CLINT1: variants seen among roughly 807,000 people sequenced by gnomAD.
CLINT1 encodes clathrin interacting protein localized in the trans-Golgi region.
In CLINT1, 15 loss-of-function variants were observed where a neutral mutation model predicts 70.4. The observed-to-expected ratio is 0.21, with a 90% CI of 0.14 to 0.33. The LOEUF (loss-of-function observed/expected upper bound fraction) is 0.33, where lower values mean the gene tolerates loss of function less well. Among genes scored for constraint, CLINT1 ranks in the 10% least tolerant of loss-of-function variants. The pLI, the probability that CLINT1 is intolerant of heterozygous loss-of-function variation, is 1.00. For synonymous variants in CLINT1, 227 were observed against 254.7 expected (o/e 0.89, Z 1.04); for missense variants, 615 against 778.1 (o/e 0.79, Z 2.49).
chr5:157,842,854 TA>T (rs1753237931), intron 1 of CLINT1, among the ~76,000 whole-genome samples: 1 of 152,232 alleles, frequency 6.6e-6, no homozygotes, highest in Non-Finnish European at 1.5e-5. Context: ...GTTTTGCGTG[TA>T]AGTTTAACCA....
intron 2 of CLINT1, 58 bp downstream of exon 2, chr5:157,817,384 AT>A (rs1374159043): frequency 4.4e-5 from 47 of 1,067,632 alleles, no homozygotes; most frequent in Non-Finnish European, 6.2e-5. Context: ...CAAATTTCAT[AT>A]TTCTGTGTTA....
intron 10 of CLINT1, among the ~76,000 whole-genome samples, chr5:157,791,178 C>A (rs1409395641): frequency 6.6e-6 from 1 of 152,110 alleles, no homozygotes; most frequent in Non-Finnish European, 1.5e-5. Flanking sequence ...CCTGACTCAG[C>A]CTCCCAAGTA....
At chr5:157,805,790 C>A (rs1343352067) in intron 7 of CLINT1, 76 bp downstream of exon 7, 1 of 1,555,374 alleles carries the variant, frequency 6.4e-7, no homozygotes, top group Non-Finnish European at 8.8e-7. Flanking sequence ...ATGCCCAAGC[C>A]TACTAATGCA....
rs555774857 is a variant in CLINT1, at chr5:157,859,084, C to T, written c.-114G>A. 2.7e-5 allele frequency: 31 copies of T among 1,165,968 alleles called. No individual in the cohort carries two copies. In the African/African-American group the frequency reaches 3.7e-4, roughly 14 times the overall value. The allele number at this position is 1,165,968 out of a possible 1,614,324, so 72.2% of individuals were successfully genotyped here. On this transcript the variant is annotated 5_prime_UTR_variant, in exon 1 of 12. Coordinates refer to ENST00000411809, the MANE Select transcript of CLINT1 (RefSeq NM_014666.4). ...GGTCACCGCCGCCCGCCGCCTCGAACTCCCCCAGTCAGCTCCTTCCTTTGC... is the reference window on the plus strand; with the variant it reads ...GGTCACCGCCGCCCGCCGCCTCGAATTCCCCCAGTCAGCTCCTTCCTTTGC...
chr5:157,858,919 C>G lies in CLINT1; in HGVS notation c.41+11G>C. The G allele has an allele frequency of 6.2e-7, 1 of 1,607,576 alleles. No individual in the cohort carries two copies. The highest frequency in any genetic ancestry group is 8.5e-7 in the Non-Finnish European group (1 of 1,177,132). On this transcript the variant is annotated intron_variant, in intron 1 of 11. Transcript: ENST00000411809. ...CGTGGGCCTCGGCCACAACTGCCCC[C>G]CGATACTCACGCTTTGTCCACCAGC...
intron 1 of CLINT1, among the ~76,000 whole-genome samples, chr5:157,839,375 T>C (rs573157187): frequency 1.3e-5 from 2 of 152,184 alleles, no homozygotes; most frequent in East Asian, 3.9e-4. Flanking sequence ...CCAAGGTCAG[T>C]GGATCACTTG....
At chr5:157,848,542 C>T (rs1047852162) in intron 1 of CLINT1, among the ~76,000 whole-genome samples, 3 of 150,906 alleles carry the variant, frequency 2.0e-5, no homozygotes, top group African/African-American at 7.3e-5. Flanking sequence ...CTCACTCTGT[C>T]CCCCAGGCTG....
intron 1 of CLINT1, among the ~76,000 whole-genome samples, chr5:157,830,323 A>C (rs1763182930): frequency 6.6e-6 from 1 of 151,988 alleles, no homozygotes; most frequent in South Asian, 2.1e-4. Context: ...GGTATCTGTT[A>C]TTTCTTATTT....
At position 157,785,781 on chromosome 5, in the gene CLINT1, CA is replaced by C. The variant is rs1427847721; in HGVS notation, c.*1864del. 2 of 152,200 alleles carry C rather than the reference CA, an allele frequency of 1.3e-5. No homozygotes were observed. Among genetic ancestry groups the C allele is most frequent in the East Asian group, 3.9e-4 (2 of 5,190 alleles). The allele number at this position is 152,200 out of a possible 1,614,324, so 9.4% of individuals were successfully genotyped here. On this transcript the variant is annotated 3_prime_UTR_variant, in exon 12 of 12. Transcript: ENST00000411809. ...ACATTTACTTCGTCTAAGAACCATACATATTTGAGAAAGTGAAGATATACTT... is the reference window on the plus strand; with the variant it reads ...ACATTTACTTCGTCTAAGAACCATACTATTTGAGAAAGTGAAGATATACTT...
intron 9 of CLINT1, among the ~76,000 whole-genome samples, chr5:157,793,406 G>C (rs1034226905): frequency 2.0e-5 from 3 of 152,138 alleles, no homozygotes; most frequent in African/African-American, 7.2e-5. Flanking sequence ...TATCTGAAAT[G>C]ATTAATCGTG....
intron 10 of CLINT1, 121 bp downstream of exon 10, chr5:157,791,582 C>A (rs1761906372): frequency 1.2e-6 from 1 of 851,756 alleles, no homozygotes; most frequent in South Asian, 1.7e-5. Flanking sequence ...CACACAGACA[C>A]ATATTCATAC....
At chr5:157,792,041 C>A in intron 9 of CLINT1, 46 bp from the exon 10 acceptor site, 1 of 1,524,602 alleles carries the variant, frequency 6.6e-7, no homozygotes. Context: ...ATGGAATGCA[C>A]AGAACAAATG....
At chr5:157,807,022 G>C (rs1251136904) in intron 6 of CLINT1, among the ~76,000 whole-genome samples, 1 of 151,760 alleles carries the variant, frequency 6.6e-6, no homozygotes, top group African/African-American at 2.4e-5. Context: ...AATGTTACTT[G>C]AAACATGTTC....
intron 1 of CLINT1, among the ~76,000 whole-genome samples, chr5:157,844,455 A>G (rs1438015754): frequency 6.6e-6 from 1 of 152,134 alleles, no homozygotes; most frequent in African/African-American, 2.4e-5. Flanking sequence ...GATCTGTCAC[A>G]TGTCTTATAG....
rs1761740520 is a variant in CLINT1 at position 157,786,782 on chromosome 5, A to C, written c.*864T>G. 1 of 152,368 alleles carries C rather than the reference A, an allele frequency of 6.6e-6. No homozygotes were observed. Among genetic ancestry groups the C allele is most frequent in the Non-Finnish European group, 1.5e-5 (1 of 68,032 alleles). 9.4% of individuals were successfully genotyped at this position (152,368 alleles called of 1,614,324 possible). A position where few individuals can be genotyped will look rare whatever the true frequency, so the allele number is the denominator to read the frequency against. Reference sequence around the variant, plus strand: ...TGCAGACACCCAAAAAAAAAATAAAATAAATATTTTTCTGACTGTTCCTGA... The same window carrying C: ...TGCAGACACCCAAAAAAAAAATAAACTAAATATTTTTCTGACTGTTCCTGA... On this transcript the variant is annotated 3_prime_UTR_variant, in exon 12 of 12. Transcript: ENST00000411809.
intron 1 of CLINT1, among the ~76,000 whole-genome samples, chr5:157,825,188 C>T (rs1313220560): frequency 6.6e-6 from 1 of 152,022 alleles, no homozygotes; most frequent in Non-Finnish European, 1.5e-5. Flanking sequence ...AACATATAAC[C>T]TATTCAATCC....
rs139917747 is a variant in CLINT1, at chr5:157,816,455, C to G, written c.243+279G>C. On this transcript the variant is annotated intron_variant, in intron 3 of 11. Transcript: ENST00000411809. The stretch of plus-strand genomic sequence containing the variant: ...TACACTAAACATGCACACTACTCTA[C>G]TATAGATTCATTATTTTTGATATGC... Among the ~76,000 whole-genome samples, 813 of 152,186 alleles carry G rather than the reference C, an allele frequency of 5.3e-3. 18 individuals are homozygous for G. Among genetic ancestry groups the G allele is most frequent in the Admixed American group, 0.039 (602 of 15,300 alleles).
intron 1 of CLINT1, among the ~76,000 whole-genome samples, chr5:157,858,696 G>C (rs1485709436): frequency 6.6e-6 from 1 of 152,246 alleles, no homozygotes; most frequent in African/African-American, 2.4e-5. Context: ...GGAAGGCCTG[G>C]AAAGGAGAGA....
At chr5:157,815,172 C>T (rs1394770222) in intron 3 of CLINT1, among the ~76,000 whole-genome samples, 1 of 151,378 alleles carries the variant, frequency 6.6e-6, no homozygotes, top group Admixed American at 6.6e-5. Flanking sequence ...TTGTGGCGCA[C>T]ACCTGTAGTC....
Sources: gnomAD v4.1 joint callset for allele counts (sites outside exome capture counted in the v4.1 genomes callset) on GRCh38, gnomAD v4.1.1 for gene constraint, MANE v1.5 for transcripts, NCBI Gene and HGNC (gene_info 2026-07-23, HGNC 2026-07-21) for gene names.